The following DPY19L3 variants were observed in gnomAD, a reference collection of about 807,000 sequenced individuals.
DPY19L3 encodes the protein dpy-19 like C-mannosyltransferase 3.
DPY19L3 carries 51 observed loss-of-function variants against 92.3 expected under a neutral mutation model. The observed-to-expected ratio is 0.55, with a 90% CI of 0.44 to 0.70. The LOEUF (loss-of-function observed/expected upper bound fraction) is 0.70, where lower values mean the gene tolerates loss of function less well. DPY19L3 is among the 30% of genes least tolerant of loss of function. The probability of loss-of-function intolerance (pLI) is 0.00; values close to 1 mark genes in which losing one functional copy is unlikely to be tolerated. For missense variants in DPY19L3, 706 were observed against 855.9 expected (o/e 0.82, Z 2.18); for synonymous variants, 309 against 315.2 (o/e 0.98, Z 0.21).
chr19:32,478,133 A>G (rs1970567495), intron 17 of DPY19L3, among the ~76,000 whole-genome samples: 1 of 152,192 alleles, frequency 6.6e-6, no homozygotes, highest in African/African-American at 2.4e-5. Flanking sequence ...TCAGAGGGGA[A>G]ATCAGAACGT....
At position 32,437,315 on chromosome 19, in the gene DPY19L3, C is replaced by T; in HGVS notation, c.572C>T (p.Ala191Val). ...LSGTWLSGLL[A>V]AFWYVTNRID... is the part of the protein sequence containing the mutation. ...GGTACATGGCTGTCAGGACTGTTGG[C>T]AGCTTTCTGGTATGTCACAAATAGG... Residue 191 changes from alanine (A) to valine (V), a missense_variant, in exon 6 of 19, where the codon GCA (alanine) becomes GTA (valine). Ala to Val is a moderately conservative substitution (Grantham distance 64). Coordinates refer to ENST00000392250, the MANE Select transcript of DPY19L3 (RefSeq NM_001172774.2). 2 of 1,613,756 alleles carry T rather than the reference C, an allele frequency of 1.2e-6. No individual in the cohort carries two copies. Among genetic ancestry groups the T allele is most frequent in the Non-Finnish European group, 1.7e-6 (2 of 1,179,766 alleles).
chr19:32,472,914 C>T (rs907882463), intron 16 of DPY19L3, among the ~76,000 whole-genome samples: 4 of 152,066 alleles, frequency 2.6e-5, no homozygotes, highest in African/African-American at 7.2e-5. Context: ...GCAGAAAGTT[C>T]GTGTATATTT....
At chr19:32,454,708 A>T (rs1969811882) in intron 9 of DPY19L3, among the ~76,000 whole-genome samples, 3 of 152,238 alleles carry the variant, frequency 2.0e-5, no homozygotes, top group Non-Finnish European at 4.4e-5. Flanking sequence ...AGACTAGGAC[A>T]CATTTCCTCA....
chr19:32,466,732 A>G (rs1970214417), intron 15 of DPY19L3, among the ~76,000 whole-genome samples: 1 of 152,286 alleles, frequency 6.6e-6, no homozygotes, highest in Non-Finnish European at 1.5e-5. Context: ...GGAATCCTCC[A>G]AAAGACTGTT....
chr19:32,423,324 C>T (rs978964011), intron 3 of DPY19L3, among the ~76,000 whole-genome samples: 2 of 151,782 alleles, frequency 1.3e-5, no homozygotes, highest in Admixed American at 6.6e-5. Flanking sequence ...CTGCAACCTC[C>T]GCCTTCTGGG....
chr19:32,442,229 A>C (rs1392651113), intron 8 of DPY19L3, among the ~76,000 whole-genome samples: 2 of 152,256 alleles, frequency 1.3e-5, no homozygotes, highest in East Asian at 3.8e-4. Context: ...TTCATGAATG[A>C]TGAAACTCTT....
rs566703866 is a variant in DPY19L3, at chr19:32,420,806, A to C, written c.237+9434A>C. 1.1e-4 allele frequency among the ~76,000 whole-genome samples: 17 copies of C among 152,112 alleles called. 1 individual carries two copies. The South Asian group carries it at 3.3e-3, about 30-fold the overall frequency. ...GTATAGTCTTCATTTTTAGTTTTTGAGTGTGTATTGTTTTTTAATTATTGA... is the reference window on the plus strand; with the variant it reads ...GTATAGTCTTCATTTTTAGTTTTTGCGTGTGTATTGTTTTTTAATTATTGA... On this transcript the variant is annotated intron_variant, in intron 3 of 18. Transcript: ENST00000392250.
intron 3 of DPY19L3, among the ~76,000 whole-genome samples, chr19:32,422,778 A>G (rs1404289964): frequency 6.6e-6 from 1 of 152,214 alleles, no homozygotes; most frequent in Non-Finnish European, 1.5e-5. Flanking sequence ...TTAGCAGGAT[A>G]GAGTTCTCTG....
intron 8 of DPY19L3, among the ~76,000 whole-genome samples, chr19:32,444,175 A>G (rs947524747): frequency 6.6e-5 from 10 of 150,820 alleles, no homozygotes; most frequent in African/African-American, 2.5e-4. Context: ...GGCAGCCATC[A>G]TAAAAAAAAA....
chr19:32,431,953 T>C (rs1968984581), intron 3 of DPY19L3, among the ~76,000 whole-genome samples: 1 of 152,202 alleles, frequency 6.6e-6, no homozygotes. Flanking sequence ...TGTGTCATCG[T>C]GTTGGCTCTC....
chr19:32,474,835 C>T (rs1970458656), intron 16 of DPY19L3, among the ~76,000 whole-genome samples: 1 of 152,170 alleles, frequency 6.6e-6, no homozygotes, highest in Admixed American at 6.5e-5. Flanking sequence ...AGTGATCTCC[C>T]CACCTGGCCG....
chr19:32,425,777 G>T (rs900434485), intron 3 of DPY19L3, among the ~76,000 whole-genome samples: 5 of 152,068 alleles, frequency 3.3e-5, no homozygotes, highest in African/African-American at 1.2e-4. Flanking sequence ...TGTCATCCAG[G>T]TTTTGTTGTC....
chr19:32,455,731 T>C (rs184583879), intron 10 of DPY19L3, among the ~76,000 whole-genome samples: 55 of 152,292 alleles, frequency 3.6e-4, no homozygotes, highest in African/African-American at 1.2e-3. Context: ...CATCCATTGG[T>C]TTTATGTCCA....
chr19:32,458,243 G>T (rs1207684065), intron 11 of DPY19L3, 70 bp downstream of exon 11: 1 of 1,579,820 alleles, frequency 6.3e-7, no homozygotes, highest in Non-Finnish European at 8.6e-7. Context: ...AACTTAAGTT[G>T]TCATTGTGCC....
At chr19:32,413,735 G>C (rs181445965) in intron 3 of DPY19L3, among the ~76,000 whole-genome samples, 1 of 151,650 alleles carries the variant, frequency 6.6e-6, no homozygotes, top group East Asian at 1.9e-4. Context: ...TGGGAGGAGC[G>C]GGGGCGGGCA....
chr19:32,470,718 G>A (rs1319756264), intron 16 of DPY19L3, among the ~76,000 whole-genome samples: 1 of 148,302 alleles, frequency 6.7e-6, no homozygotes, highest in African/African-American at 2.5e-5. Flanking sequence ...TCACTCCTCA[G>A]ACCCTCCTTT....
At chr19:32,447,969 A>T (rs564928201) in intron 8 of DPY19L3, among the ~76,000 whole-genome samples, 1 of 152,224 alleles carries the variant, frequency 6.6e-6, no homozygotes, top group South Asian at 2.1e-4. Flanking sequence ...TCTCAGGAAG[A>T]GTGGGAGGTG....
intron 8 of DPY19L3, among the ~76,000 whole-genome samples, chr19:32,441,800 A>ACAT (rs1969334130): frequency 6.6e-6 from 1 of 152,126 alleles, no homozygotes; most frequent in Non-Finnish European, 1.5e-5. Flanking sequence ...GCCCATCTGA[A>ACAT]CATGTATCTC....
chr19:32,429,951 A>G (rs1568332648), intron 3 of DPY19L3, among the ~76,000 whole-genome samples: 3 of 152,226 alleles, frequency 2.0e-5, no homozygotes. Flanking sequence ...TTTCTCAAAG[A>G]TAAAAAATGA....
Sources: gnomAD v4.1 joint callset for allele counts (sites outside exome capture counted in the v4.1 genomes callset) on GRCh38, gnomAD v4.1.1 for gene constraint, MANE v1.5 for transcripts, NCBI Gene and HGNC (gene_info 2026-07-23, HGNC 2026-07-21) for gene names.